RAB11FIP4: variants seen among roughly 807,000 people sequenced by gnomAD.
RAB11FIP4 encodes RAB11 family interacting protein 4.
A neutral mutation model predicts 74.3 loss-of-function variants in RAB11FIP4; 23 were observed. That is an observed-to-expected ratio of 0.31 (90% confidence interval 0.22 to 0.44). The LOEUF is 0.44. Among genes scored for constraint, RAB11FIP4 ranks in the 20% least tolerant of loss-of-function variants. RAB11FIP4 has a pLI of 1.00. For synonymous variants in RAB11FIP4, 360 were observed against 359.9 expected (o/e 1.00, Z 0.00); for missense variants, 630 against 863.9 (o/e 0.73, Z 3.39).
intron 3 of RAB11FIP4, among the ~76,000 whole-genome samples, chr17:31,484,989 C>G (rs2071887180): frequency 6.6e-6 from 1 of 152,222 alleles, no homozygotes; most frequent in African/African-American, 2.4e-5. Flanking sequence ...TTGGCCCCGG[C>G]ACCCATGCAC....
At chr17:31,403,327 TC>T (rs1282623346) in intron 1 of RAB11FIP4, among the ~76,000 whole-genome samples, 3 of 151,386 alleles carry the variant, frequency 2.0e-5, no homozygotes, top group Admixed American at 6.6e-5. Flanking sequence ...TTTCTTTCTT[TC>T]TTTTTTTTTT....
At chr17:31,481,455 A>G (rs959004291) in intron 3 of RAB11FIP4, among the ~76,000 whole-genome samples, 8 of 152,270 alleles carry the variant, frequency 5.3e-5, no homozygotes, top group Middle Eastern at 3.4e-3. Flanking sequence ...TTAATAGCCA[A>G]TCAGAGACAT....
At chr17:31,428,677 G>C (rs758677895) in intron 1 of RAB11FIP4, among the ~76,000 whole-genome samples, 1 of 152,110 alleles carries the variant, frequency 6.6e-6, no homozygotes, top group African/African-American at 2.4e-5. Context: ...CATGTAAGAG[G>C]TGCTCAGTCA....
At chr17:31,527,394 G>A (rs1012069388) in intron 10 of RAB11FIP4, 2 of 155,908 alleles carry the variant, frequency 1.3e-5, no homozygotes, top group Non-Finnish European at 2.8e-5. Flanking sequence ...GAGGCCAGGA[G>A]TTTTTGAGAC....
chr17:31,467,436 GA>G (rs1312213254), intron 3 of RAB11FIP4, among the ~76,000 whole-genome samples: 1 of 151,964 alleles, frequency 6.6e-6, no homozygotes, highest in African/African-American at 2.4e-5. Flanking sequence ...AGTATTTCCA[GA>G]AAAAAACAGA....
chr17:31,435,198 AAC>A (rs2071346559), intron 3 of RAB11FIP4, among the ~76,000 whole-genome samples: 2 of 152,102 alleles, frequency 1.3e-5, no homozygotes, highest in Admixed American at 6.5e-5. Flanking sequence ...CCAAAAATTA[AAC>A]AGTTTTTACA....
intron 1 of RAB11FIP4, among the ~76,000 whole-genome samples, chr17:31,413,929 G>A (rs1043907170): frequency 1.3e-5 from 2 of 152,214 alleles, no homozygotes; most frequent in African/African-American, 2.4e-5. Flanking sequence ...AAGAAGAGGT[G>A]CAACGACTGG....
intron 3 of RAB11FIP4, among the ~76,000 whole-genome samples, chr17:31,434,343 A>G (rs997436516): frequency 3.9e-5 from 6 of 152,052 alleles, no homozygotes; most frequent in Admixed American, 2.6e-4. Context: ...CAGCAACTTT[A>G]TTTCCCATCT....
At chr17:31,488,531 G>A (rs1377540519) in intron 3 of RAB11FIP4, 1 of 244,942 alleles carries the variant, frequency 4.1e-6, no homozygotes. Context: ...CTGGGGACCC[G>A]ACGGCGGGCC....
At chr17:31,442,617 A>T (rs990745296) in intron 3 of RAB11FIP4, among the ~76,000 whole-genome samples, 2 of 152,178 alleles carry the variant, frequency 1.3e-5, no homozygotes, top group African/African-American at 4.8e-5. Flanking sequence ...TACAGAAAAA[A>T]TTTGCCAACC....
chr17:31,474,247 G>T (rs2071767574), intron 3 of RAB11FIP4, among the ~76,000 whole-genome samples: 1 of 152,198 alleles, frequency 6.6e-6, no homozygotes, highest in African/African-American at 2.4e-5. Flanking sequence ...ACAATGTGGG[G>T]TGGGGACATC....
intron 1 of RAB11FIP4, among the ~76,000 whole-genome samples, chr17:31,395,463 C>CA (rs1225816369): frequency 6.6e-6 from 1 of 152,136 alleles, no homozygotes; most frequent in Non-Finnish European, 1.5e-5. Flanking sequence ...TGATCAAGGA[C>CA]AACATCGATA....
chr17:31,415,507 C>T (rs193097294), intron 1 of RAB11FIP4, among the ~76,000 whole-genome samples: 147 of 152,324 alleles, frequency 9.7e-4, no homozygotes, highest in African/African-American at 3.5e-3. Context: ...ACCCCGTCTG[C>T]TTCTCCACTC....
intron 3 of RAB11FIP4, among the ~76,000 whole-genome samples, chr17:31,493,826 C>T (rs1224046598): frequency 1.3e-5 from 2 of 152,174 alleles, no homozygotes; most frequent in Non-Finnish European, 2.9e-5. Context: ...CTGTGGGGTC[C>T]TAAGGACCCC....
intron 1 of RAB11FIP4, 89 bp from the exon 2 acceptor site, chr17:31,431,724 C>CACCCA: frequency 1.4e-6 from 1 of 728,954 alleles, no homozygotes; most frequent in Non-Finnish European, 2.5e-6. Context: ...ACTGGTGTCC[C>CACCCA]TCCCTCCCTC....
chr17:31,525,083 T>A lies in RAB11FIP4; in HGVS notation c.1134-7T>A. ...CCCCAAGAGCTTGCCCATTGCGCTG[T>A]CCTCAGGGTGCATGAGCTGGAGGAG... On this transcript the variant is annotated splice_polypyrimidine_tract_variant and splice_region_variant and intron_variant, in intron 9 of 14. Transcript: ENST00000621161. 2 of 1,550,310 alleles carry A rather than the reference T, an allele frequency of 1.3e-6. No individual in the cohort carries two copies. Among genetic ancestry groups the A allele is most frequent in the Non-Finnish European group, 1.7e-6 (2 of 1,147,068 alleles).
chr17:31,462,367 G>T (rs547008197), intron 3 of RAB11FIP4, among the ~76,000 whole-genome samples: 2 of 152,186 alleles, frequency 1.3e-5, no homozygotes, highest in African/African-American at 2.4e-5. Context: ...AGTTTGAAAA[G>T]CTCCCCAGCT....
chr17:31,504,699 T>A (rs922316846), intron 3 of RAB11FIP4, among the ~76,000 whole-genome samples: 6 of 152,230 alleles, frequency 3.9e-5, no homozygotes, highest in Admixed American at 3.9e-4. Context: ...AAATTAAGCA[T>A]AATTCCCTAA....
intron 3 of RAB11FIP4, among the ~76,000 whole-genome samples, chr17:31,498,183 C>T (rs1597957035): frequency 6.6e-6 from 1 of 152,132 alleles, no homozygotes; most frequent in African/African-American, 2.4e-5. Flanking sequence ...GAGGGAGAGT[C>T]TCCACCCCAT....
Sources: gnomAD v4.1 joint callset for allele counts (sites outside exome capture counted in the v4.1 genomes callset) on GRCh38, gnomAD v4.1.1 for gene constraint, MANE v1.5 for transcripts, NCBI Gene and HGNC (gene_info 2026-07-23, HGNC 2026-07-21) for gene names.